The following DCDC1 variants were observed in gnomAD, a reference collection of about 807,000 sequenced individuals.
DCDC1 encodes the protein doublecortin domain-containing protein 1.
In DCDC1, 200 loss-of-function variants were observed where a neutral mutation model predicts 178.3. The observed-to-expected ratio is 1.12, with a 90% CI of 1.00 to 1.26. The LOEUF is 1.26. Among genes scored for constraint, DCDC1 ranks in the 50% most tolerant of loss-of-function variants. The probability of loss-of-function intolerance (pLI) is 0.00; values close to 1 mark genes in which losing one functional copy is unlikely to be tolerated. For synonymous variants in DCDC1, 690 were observed against 604.8 expected (o/e 1.14, Z -2.07); for missense variants, 1,983 against 1,749.2 (o/e 1.13, Z -2.38).
intron 9 of DCDC1, among the ~76,000 whole-genome samples, chr11:31,182,411 G>A (rs534700585): frequency 2.6e-5 from 4 of 152,298 alleles, no homozygotes; most frequent in African/African-American, 9.6e-5. Flanking sequence ...AGAAGAGATT[G>A]GGGGCAAATA....
intron 9 of DCDC1, among the ~76,000 whole-genome samples, chr11:31,141,539 A>G (rs1344159217): frequency 1.3e-5 from 2 of 152,204 alleles, no homozygotes; most frequent in South Asian, 2.1e-4. Flanking sequence ...ATTAATATAA[A>G]AAATCCAAGG....
At chr11:30,897,359 C>A (rs1223318360) in intron 34 of DCDC1, among the ~76,000 whole-genome samples, 1 of 151,994 alleles carries the variant, frequency 6.6e-6, no homozygotes, top group African/African-American at 2.4e-5. Context: ...GAGGCCGAGG[C>A]AGGCAGATCA....
rs1160252713 is a variant in DCDC1 at position 31,358,716 on chromosome 11, C to T, written c.-125+10981G>A. Among the ~76,000 whole-genome samples the T allele has an allele frequency of 5.5e-4, 84 of 152,030 alleles. 1 individual carries two copies. The highest frequency in any genetic ancestry group is 1.3e-3 in the Admixed American group (20 of 15,268). On this transcript the variant is annotated intron_variant, in intron 1 of 38. Transcript: ENST00000684477. The stretch of plus-strand genomic sequence containing the variant: ...TGACAAAGGGCTAATATCCAGAATC[C>T]ACAAAGAACTCAAACAAATTTACAA...
chr11:30,975,267 T>C (rs1565143923), intron 20 of DCDC1, among the ~76,000 whole-genome samples: 5 of 151,970 alleles, frequency 3.3e-5, no homozygotes, highest in Admixed American at 1.3e-4. Context: ...GCTAACATAC[T>C]GAATGGGGAA....
intron 20 of DCDC1, among the ~76,000 whole-genome samples, chr11:31,048,522 A>G (rs971995913): frequency 1.3e-5 from 2 of 152,158 alleles, no homozygotes; most frequent in African/African-American, 4.8e-5. Context: ...GTCAAAAAAG[A>G]ATGGACTCAT....
At chr11:31,191,340 G>A (rs1043141611) in intron 9 of DCDC1, among the ~76,000 whole-genome samples, 3 of 151,948 alleles carry the variant, frequency 2.0e-5, no homozygotes, top group Non-Finnish European at 4.4e-5. Context: ...TCTATCATTT[G>A]TCTTTCAATT....
At chr11:30,989,033 C>T (rs1448650547) in intron 20 of DCDC1, among the ~76,000 whole-genome samples, 1 of 152,110 alleles carries the variant, frequency 6.6e-6, no homozygotes, top group Non-Finnish European at 1.5e-5. Context: ...CATTCCAATT[C>T]ATGGGAGTAG....
intron 1 of DCDC1, among the ~76,000 whole-genome samples, chr11:31,341,873 C>A (rs1340381400): frequency 2.0e-5 from 3 of 151,294 alleles, no homozygotes; most frequent in Non-Finnish European, 4.4e-5. Context: ...CTCTGTAGAA[C>A]CCTGACTAAT....
intron 1 of DCDC1, among the ~76,000 whole-genome samples, chr11:31,340,581 T>A (rs1393372707): frequency 1.3e-5 from 2 of 152,186 alleles, no homozygotes; most frequent in Non-Finnish European, 2.9e-5. Context: ...TTTTTTTGGA[T>A]GAGATTAACA....
At chr11:30,944,453 G>A (rs1231352164) in intron 21 of DCDC1, 1 of 376,260 alleles carries the variant, frequency 2.7e-6, no homozygotes. Context: ...GCCACAATAT[G>A]AGTGTCACAT....
chr11:30,988,794 G>A (rs1023102291), intron 20 of DCDC1, among the ~76,000 whole-genome samples: 2 of 152,102 alleles, frequency 1.3e-5, no homozygotes, highest in Admixed American at 6.6e-5. Flanking sequence ...CAAAGGCATC[G>A]TAGGCTACAT....
chr11:31,081,400 G>A (rs1313238178), intron 17 of DCDC1, among the ~76,000 whole-genome samples: 1 of 152,094 alleles, frequency 6.6e-6, no homozygotes, highest in African/African-American at 2.4e-5. Flanking sequence ...ACGAGGTCAG[G>A]AGATTGAGAT....
intron 3 of DCDC1, among the ~76,000 whole-genome samples, chr11:31,323,220 C>T (rs750397665): frequency 2.0e-5 from 3 of 152,122 alleles, no homozygotes; most frequent in South Asian, 2.1e-4. Context: ...GCAGGAAACG[C>T]GGCTACTTTG....
At chr11:31,344,068 A>C (rs1167576529) in intron 1 of DCDC1, among the ~76,000 whole-genome samples, 1 of 152,246 alleles carries the variant, frequency 6.6e-6, no homozygotes, top group Non-Finnish European at 1.5e-5. Flanking sequence ...CATCCTCACT[A>C]GAAGTAGAAC....
intron 9 of DCDC1, among the ~76,000 whole-genome samples, chr11:31,153,671 T>C (rs545018280): frequency 6.6e-6 from 1 of 151,930 alleles, no homozygotes; most frequent in East Asian, 1.9e-4. Flanking sequence ...TAATCCCAGC[T>C]ACTCGGAAGG....
At chr11:31,282,126 T>G (rs1264963347) in intron 7 of DCDC1, among the ~76,000 whole-genome samples, 1 of 152,166 alleles carries the variant, frequency 6.6e-6, no homozygotes, top group Non-Finnish European at 1.5e-5. Flanking sequence ...CTCTATTTTC[T>G]AAAAGGTTTG....
intron 20 of DCDC1, among the ~76,000 whole-genome samples, chr11:31,057,994 G>T (rs964466374): frequency 6.6e-6 from 1 of 152,066 alleles, no homozygotes; most frequent in Non-Finnish European, 1.5e-5. Context: ...GCTCTGTGAG[G>T]CCAGAAAGTG....
chr11:30,952,458 C>A lies in DCDC1; in HGVS notation c.2702G>T (p.Gly901Val). ...LTYMWPVLPS[G>V]QLNEEFDWPI... ...AAGCAACACAACCTCATTAAGTTGG[C>A]CACTGGGAAGGACAGGCCACATGTA... The change falls in exon 21 of 39, where the codon GGC becomes GTC. Residue 901 changes from glycine to valine, a missense_variant. By Grantham distance (109) the Gly-to-Val change is moderately radical. Transcript: ENST00000684477. 3 of 1,566,146 alleles carry A rather than the reference C, an allele frequency of 1.9e-6. No homozygotes were observed. Among genetic ancestry groups the A allele is most frequent in the African/African-American group, 1.3e-5 (1 of 74,524 alleles).
chr11:30,978,997 G>A (rs1046292952), intron 20 of DCDC1, among the ~76,000 whole-genome samples: 1 of 152,006 alleles, frequency 6.6e-6, no homozygotes, highest in Non-Finnish European at 1.5e-5. Context: ...AAGATCAAAA[G>A]GAATAATTTA....
Sources: gnomAD v4.1 joint callset for allele counts (sites outside exome capture counted in the v4.1 genomes callset) on GRCh38, gnomAD v4.1.1 for gene constraint, MANE v1.5 for transcripts, NCBI Gene and HGNC (gene_info 2026-07-23, HGNC 2026-07-21) for gene names.